The following EPC1 variants were observed in gnomAD, a reference collection of about 807,000 sequenced individuals.
EPC1 encodes enhancer of polycomb homolog 1.
A neutral mutation model predicts 98.4 loss-of-function variants in EPC1; 12 were observed. That is an observed-to-expected ratio of 0.12 (90% CI 0.08 to 0.20). EPC1 has a LOEUF of 0.20. Among genes scored for constraint, EPC1 ranks in the 10% least tolerant of loss-of-function variants. The pLI is 1.00. For synonymous variants in EPC1, 357 were observed against 363.9 expected (o/e 0.98, Z 0.21); for missense variants, 729 against 990.5 (o/e 0.74, Z 3.54).
Position 32,293,838 on chromosome 10 carries a change from T to C in EPC1, c.314-101A>G, listed in dbSNP as rs997674733. 1.7e-5 allele frequency: 19 copies of C among 1,121,326 alleles called. No homozygotes were observed. In the East Asian group the frequency reaches 4.8e-4, roughly 29 times the overall value. 69.5% of individuals were successfully genotyped at this position (1,121,326 alleles called of 1,614,324 possible). ...ACAAGACCTAGACTTTCTAAAGAAA[T>C]AAGAAAGAATTCTTGGATTTTGTTT... On this transcript the variant is annotated intron_variant, in intron 2 of 13. Coordinates refer to ENST00000319778, the MANE Select transcript of EPC1 (RefSeq NM_001272004.3).
At chr10:32,295,396 T>C (rs982238305) in intron 2 of EPC1, among the ~76,000 whole-genome samples, 4 of 152,236 alleles carry the variant, frequency 2.6e-5, no homozygotes, top group Non-Finnish European at 5.9e-5. Context: ...ATTGGTACAG[T>C]TGAATGTATT....
intron 1 of EPC1, among the ~76,000 whole-genome samples, chr10:32,337,461 C>T (rs1838046823): frequency 6.6e-6 from 1 of 152,204 alleles, no homozygotes; most frequent in African/African-American, 2.4e-5. Context: ...TTTTTCTGTG[C>T]AGCCCTGGTA....
chr10:32,347,302 C>T (rs1838914574), upstream of EPC1: 1 of 690,334 alleles, frequency 1.4e-6, no homozygotes, highest in Non-Finnish European at 1.8e-6. Flanking sequence ...GCCGGCCTCG[C>T]TTCCCGCGCC....
Position 32,315,646 on chromosome 10 carries a change from A to G in EPC1, c.154-9715T>C, listed in dbSNP as rs558089753. Among the ~76,000 whole-genome samples the G allele has an allele frequency of 1.2e-4, 18 of 152,326 alleles. No individual in the cohort carries two copies. The South Asian group carries it at 3.7e-3, about 32-fold the overall frequency. On this transcript the variant is annotated intron_variant, in intron 1 of 13. Coordinates refer to ENST00000319778, the MANE Select transcript of EPC1 (RefSeq NM_001272004.3). ...CATTGCTAGTTGAACAAAAGGCCTGAGCTGAATTATTTTCTCTACTACTTT... is the reference window on the plus strand; with the variant it reads ...CATTGCTAGTTGAACAAAAGGCCTGGGCTGAATTATTTTCTCTACTACTTT...
chr10:32,375,819 G>T (rs1839859194), intron 1 of EPC1, among the ~76,000 whole-genome samples: 1 of 151,950 alleles, frequency 6.6e-6, no homozygotes, highest in Admixed American at 6.6e-5. Context: ...TATTGTCCAT[G>T]ATCTAGCAAC....
At chr10:32,369,248 T>G (rs1839683518) in intron 1 of EPC1, among the ~76,000 whole-genome samples, 1 of 152,198 alleles carries the variant, frequency 6.6e-6, no homozygotes, top group African/African-American at 2.4e-5. Flanking sequence ...GTATTTAGAT[T>G]TAGATATAAA....
intron 9 of EPC1, 165 bp from the exon 10 acceptor site, chr10:32,285,215 C>G (rs868201098): frequency 9.1e-5 from 46 of 503,582 alleles, no homozygotes; most frequent in Non-Finnish European, 6.9e-5. Context: ...AGGCTACAAC[C>G]TCAATTTCTA....
chr10:32,338,561 T>C (rs1425998243), intron 1 of EPC1, among the ~76,000 whole-genome samples: 1 of 152,124 alleles, frequency 6.6e-6, no homozygotes, highest in Non-Finnish European at 1.5e-5. Context: ...TGTGTCCTCA[T>C]CTCCTAATCT....
At chr10:32,355,285 A>G (rs1029548785) in intron 1 of EPC1, among the ~76,000 whole-genome samples, 1 of 152,190 alleles carries the variant, frequency 6.6e-6, no homozygotes, top group Admixed American at 6.5e-5. Context: ...TGAACAGGAA[A>G]CTGTTGAGAA....
chr10:32,272,189 A>T (rs947886747), intron 11 of EPC1, 22 bp from the exon 12 acceptor site: 2 of 1,590,744 alleles, frequency 1.3e-6, no homozygotes, highest in South Asian at 1.1e-5. Flanking sequence ...ATACAAAAGA[A>T]ATCTAATCAG....
intron 1 of EPC1, among the ~76,000 whole-genome samples, chr10:32,308,971 C>G (rs1189264355): frequency 6.6e-6 from 1 of 152,148 alleles, no homozygotes; most frequent in Non-Finnish European, 1.5e-5. Flanking sequence ...ATGAAAACAT[C>G]TATCATTTGC....
At position 32,290,483 on chromosome 10, in the gene EPC1, CAAAAA is replaced by C. The variant is rs57193296; in HGVS notation, c.975+675_975+679del. Among the ~76,000 whole-genome samples the C allele has an allele frequency of 2.5e-4, 10 of 40,156 alleles. 1 individual carries two copies. The East Asian group carries it at 0.013, about 53-fold the overall frequency. The allele number at this position is 40,156 out of a possible 152,430, so 26.3% of individuals were successfully genotyped here. A position where few individuals can be genotyped will look rare whatever the true frequency, so the allele number is the denominator to read the frequency against. On this transcript the variant is annotated intron_variant, in intron 6 of 13. Coordinates refer to ENST00000319778, the MANE Select transcript of EPC1 (RefSeq NM_001272004.3). The stretch of plus-strand genomic sequence containing the variant: ...CCCGGGTGACAGAGCAAGACTCTGT[CAAAAA>C]AAAAAAAAAAAAAAAAAAAAGAAAG...
At position 32,289,627 on chromosome 10, in the gene EPC1, T is replaced by A. The variant is rs866904548; in HGVS notation, c.975+1536A>T. On this transcript the variant is annotated intron_variant, in intron 6 of 13. Coordinates refer to ENST00000319778, the MANE Select transcript of EPC1 (RefSeq NM_001272004.3). Reference sequence around the variant, plus strand: ...ATGGTAGATGCAAAGTTTCATGAAATTTTTTTTTTTTTTTTAGACGGAGTC... The same window carrying A: ...ATGGTAGATGCAAAGTTTCATGAAAATTTTTTTTTTTTTTTAGACGGAGTC... Among the ~76,000 whole-genome samples the A allele has an allele frequency of 3.2e-3, 443 of 138,148 alleles. 1 individual carries two copies. The highest frequency in any genetic ancestry group is 0.011 in the African/African-American group (420 of 37,892). The allele number at this position is 138,148 out of a possible 152,430, so 90.6% of individuals were successfully genotyped here.
chr10:32,371,696 C>T (rs867617296), intron 1 of EPC1, among the ~76,000 whole-genome samples: 17 of 152,018 alleles, frequency 1.1e-4, no homozygotes, highest in African/African-American at 3.9e-4. Flanking sequence ...GTCAAGAGTT[C>T]GAGACCAGCC....
At position 32,341,842 on chromosome 10, in the gene EPC1, A is replaced by G. The variant is rs559481263; in HGVS notation, c.153+4921T>C. On this transcript the variant is annotated intron_variant, in intron 1 of 13. Transcript: ENST00000319778. ...TGACTCAGTTTGAAATTTATGGAAC[A>G]GCTGATCTTAACCCCTGGGCTTTCT... Among the ~76,000 whole-genome samples the G allele has an allele frequency of 8.5e-5, 13 of 152,342 alleles. No homozygotes were observed. The South Asian group carries it at 2.7e-3, about 32-fold the overall frequency.
Position 32,355,607 on chromosome 10 carries a change from C to CTT in EPC1, c.3+22882_3+22883dup, listed in dbSNP as rs542748610. 9.9e-4 allele frequency among the ~76,000 whole-genome samples: 72 copies of CTT among 72,874 alleles called. 2 individuals are homozygous for CTT. The highest frequency in any genetic ancestry group is 3.0e-3 in the African/African-American group (67 of 22,248). The allele number at this position is 72,874 out of a possible 152,430, so 47.8% of individuals were successfully genotyped here. ...AACACACTACCTTTAGTGCCTTACC[C>CTT]TTTTTTTTTTTTTTTTTTTTTTTTT... On this transcript the variant is annotated intron_variant, in intron 1 of 13. Transcript: ENST00000375110.
intron 10 of EPC1, 87 bp downstream of exon 10, chr10:32,284,611 A>G: frequency 8.9e-7 from 1 of 1,120,000 alleles, no homozygotes. Flanking sequence ...TTAAGCCATA[A>G]ATGTAACAGA....
chr10:32,306,167 A>C (rs1425788189), intron 1 of EPC1, among the ~76,000 whole-genome samples: 2 of 152,250 alleles, frequency 1.3e-5, no homozygotes, highest in African/African-American at 4.8e-5. Context: ...AGGAATTGCC[A>C]AAACAGAATT....
intron 2 of EPC1, among the ~76,000 whole-genome samples, chr10:32,303,022 G>A (rs58530933): frequency 0.033 from 4,983 of 152,226 alleles, 272 homozygotes; most frequent in African/African-American, 0.11. Context: ...CTCATGTTCT[G>A]GCTGGGCGCA....
Sources: allele counts gnomAD v4.1 joint callset (sites outside exome capture counted in the v4.1 genomes callset), GRCh38; gene constraint gnomAD v4.1.1; transcripts MANE v1.5; gene names NCBI Gene and HGNC (gene_info 2026-07-23, HGNC 2026-07-21).